The following BRD7 variants were observed in gnomAD, a reference collection of about 807,000 sequenced individuals.
BRD7 encodes bromodomain-containing protein 7.
A neutral mutation model predicts 82.1 loss-of-function variants in BRD7; 15 were observed. The ratio of observed to expected loss-of-function variants is 0.18; its 90% confidence interval spans 0.12 to 0.28. BRD7 has a LOEUF of 0.28. BRD7 is among the 10% of genes least tolerant of loss of function. BRD7 has a pLI of 1.00. For missense variants in BRD7, 638 were observed against 779.9 expected (o/e 0.82, Z 2.17); for synonymous variants, 232 against 266.9 (o/e 0.87, Z 1.27).
chr16:50,348,606 T>C (rs921619014), intron 5 of BRD7, among the ~76,000 whole-genome samples: 2 of 152,150 alleles, frequency 1.3e-5, no homozygotes, highest in Non-Finnish European at 2.9e-5. Context: ...GCAAAGGATA[T>C]GAACAGACAC....
chr16:50,321,951 A>G (rs1567597495), intron 13 of BRD7, 31 bp downstream of exon 13: 3 of 1,583,342 alleles, frequency 1.9e-6, no homozygotes, highest in Non-Finnish European at 2.6e-6. Context: ...TTCCATTTAA[A>G]TATTTCTTGT....
chr16:50,357,215 A>T (rs2151200327), intron 2 of BRD7, among the ~76,000 whole-genome samples: 1 of 152,234 alleles, frequency 6.6e-6, no homozygotes, highest in South Asian at 2.1e-4. Flanking sequence ...ACTTTCTAAC[A>T]AGTTTCCAGG....
At chr16:50,338,568 A>C (rs541810624) in intron 6 of BRD7, among the ~76,000 whole-genome samples, 49 of 152,324 alleles carry the variant, frequency 3.2e-4, no homozygotes, top group African/African-American at 1.2e-3. Context: ...TGTGAGCTCA[A>C]GCTCTGGACT....
At chr16:50,346,067 G>C (rs1195303050) in intron 5 of BRD7, among the ~76,000 whole-genome samples, 1 of 152,114 alleles carries the variant, frequency 6.6e-6, no homozygotes, top group South Asian at 2.1e-4. Flanking sequence ...ATAACAAACT[G>C]TCTCTCAGAC....
Position 50,340,103 on chromosome 16 carries a change from A to G in BRD7, c.592-17T>C. The G allele has an allele frequency of 7.0e-7, 1 of 1,431,484 alleles. No homozygotes were observed. The highest frequency in any genetic ancestry group is 9.5e-7 in the Non-Finnish European group (1 of 1,050,826). The allele number at this position is 1,431,484 out of a possible 1,614,324, so 88.7% of individuals were successfully genotyped here. A position where few individuals can be genotyped will look rare whatever the true frequency, so the allele number is the denominator to read the frequency against. On this transcript the variant is annotated splice_polypyrimidine_tract_variant and intron_variant, in intron 5 of 16. Coordinates refer to ENST00000394688, the MANE Select transcript of BRD7 (RefSeq NM_013263.5). ...GAAGTTATCCTGCAGAAAGAACATTAAGGGAGAAAATGCATTAATGCAAAA... is the reference window on the plus strand; with the variant it reads ...GAAGTTATCCTGCAGAAAGAACATTGAGGGAGAAAATGCATTAATGCAAAA...
intron 2 of BRD7, among the ~76,000 whole-genome samples, chr16:50,360,553 A>C (rs187651592): frequency 6.6e-6 from 1 of 152,296 alleles, no homozygotes; most frequent in East Asian, 1.9e-4. Flanking sequence ...CGGCAGAATG[A>C]CGCATACCTT....
At chr16:50,347,815 C>T (rs1440643175) in intron 5 of BRD7, among the ~76,000 whole-genome samples, 27 of 152,128 alleles carry the variant, frequency 1.8e-4, no homozygotes, top group African/African-American at 2.4e-5. Flanking sequence ...GAATCAATAT[C>T]GTGAAAATGG....
In BRD7 at chr16:50,320,256, A is replaced by T. The variant is rs757240104; in HGVS notation, c.1748T>A (p.Met583Lys). Residue 583 changes from methionine (M) to lysine (K), a missense_variant, in exon 15 of 17, where the codon ATG becomes AAG. This residue lies in a region of BRD7 where 402 missense variants were observed against 500.8 expected (regional missense o/e 0.80). Transcript: ENST00000394688. ...TGGGAGGCAAAACATACCAAGATGCATTTCTCTGTATGAGGGACCCAAGAG... is the reference window on the plus strand; with the variant it reads ...TGGGAGGCAAAACATACCAAGATGCTTTTCTCTGTATGAGGGACCCAAGAG... ...ICLLGPSYRE[M>K]HLAEQVTNNL... 6.2e-7 allele frequency: 1 copy of T among 1,611,404 alleles called. No homozygotes were observed. The highest frequency in any genetic ancestry group is 8.5e-7 in the Non-Finnish European group (1 of 1,179,186).
chr16:50,341,932 A>T (rs1381065627), intron 5 of BRD7, among the ~76,000 whole-genome samples: 55 of 106,088 alleles, frequency 5.2e-4, no homozygotes, highest in African/African-American at 6.7e-4. Context: ...CACTTTTCAC[A>T]CACACACACA....
rs530928848 is a variant in BRD7, at chr16:50,367,432, C to T, written c.258+658G>A. On this transcript the variant is annotated intron_variant, in intron 2 of 16. Coordinates refer to ENST00000394688, the MANE Select transcript of BRD7 (RefSeq NM_013263.5). ...AGAGGCAGGGCCTTGCTATGTTGCC[C>T]AGGCTGGTCTCGAACTTCCAGCCTC... is the stretch of plus-strand genomic sequence containing the variant. Among the ~76,000 whole-genome samples, 7 of 152,260 alleles carry T rather than the reference C, an allele frequency of 4.6e-5. No homozygotes were observed. The South Asian group carries it at 1.5e-3, about 32-fold the overall frequency.
At chr16:50,363,040 G>A (rs974736826) in intron 2 of BRD7, among the ~76,000 whole-genome samples, 2 of 150,302 alleles carry the variant, frequency 1.3e-5, no homozygotes, top group Non-Finnish European at 3.0e-5. Context: ...TGTACTATAT[G>A]CCTGATAAGT....
At position 50,318,089 on chromosome 16, in the gene BRD7, G is replaced by A. The variant is rs2036897483; in HGVS notation, c.*1122C>T. 1 of 152,232 alleles carries A rather than the reference G, an allele frequency of 6.6e-6. No individual in the cohort carries two copies. The highest frequency in any genetic ancestry group is 2.1e-4 in the South Asian group (1 of 4,832). The allele number at this position is 152,232 out of a possible 1,614,324, so 9.4% of individuals were successfully genotyped here. On this transcript the variant is annotated 3_prime_UTR_variant, in exon 17 of 17. Transcript: ENST00000394688. ...TGTTTCATTTTTATAAAGTACCAGT[G>A]TTTAGCTGCTTTTTATACATTAAAT...
At chr16:50,340,225 A>G in intron 5 of BRD7, 139 bp from the exon 6 acceptor site, 2 of 455,770 alleles carry the variant, frequency 4.4e-6, no homozygotes, top group Non-Finnish European at 7.8e-6. Flanking sequence ...TACTAACAGT[A>G]ATTTATTAAG....
Position 50,317,501 on chromosome 16 carries a change from G to GTT in BRD7, c.*1708_*1709dup, listed in dbSNP as rs1167693647. The GTT allele has an allele frequency of 1.3e-5, 2 of 152,266 alleles. No homozygotes were observed. Among genetic ancestry groups the GTT allele is most frequent in the African/African-American group, 4.8e-5 (2 of 41,432 alleles). 9.4% of individuals were successfully genotyped at this position (152,266 alleles called of 1,614,324 possible). On this transcript the variant is annotated 3_prime_UTR_variant, in exon 17 of 17. Coordinates refer to ENST00000394688, the MANE Select transcript of BRD7 (RefSeq NM_013263.5). ...GCATATTTGTACTCTTGGAATATTT[G>GTT]TTTTTTTCTTCAGTAACAACAGAAA... is the stretch of plus-strand genomic sequence containing the variant.
At chr16:50,350,383 A>C (rs1246836894) in intron 4 of BRD7, among the ~76,000 whole-genome samples, 1 of 152,154 alleles carries the variant, frequency 6.6e-6, no homozygotes, top group Non-Finnish European at 1.5e-5. Context: ...CAGGATGGAG[A>C]TTTCTTTCTT....
chr16:50,337,672 C>T (rs908202878), intron 6 of BRD7, among the ~76,000 whole-genome samples: 1 of 152,100 alleles, frequency 6.6e-6, no homozygotes, highest in Admixed American at 6.6e-5. Flanking sequence ...CATTCAAAAA[C>T]AGTTATCTTT....
chr16:50,347,425 G>C (rs2151182872), intron 5 of BRD7, among the ~76,000 whole-genome samples: 1 of 152,284 alleles, frequency 6.6e-6, no homozygotes. Flanking sequence ...TCAGGCAGGA[G>C]AAAGAAATAA....
intron 3 of BRD7, 97 bp downstream of exon 3, chr16:50,354,696 C>T: frequency 6.8e-7 from 1 of 1,466,480 alleles, no homozygotes; most frequent in South Asian, 1.4e-5. Context: ...AATTCAATCA[C>T]AAAGCTCCAA....
At chr16:50,360,794 G>A (rs565429265) in intron 2 of BRD7, among the ~76,000 whole-genome samples, 2 of 152,302 alleles carry the variant, frequency 1.3e-5, no homozygotes, top group East Asian at 3.9e-4. Flanking sequence ...TCTATCAGAG[G>A]AGCAATGCTA....
Sources: gnomAD v4.1 joint callset for allele counts (sites outside exome capture counted in the v4.1 genomes callset) on GRCh38, gnomAD v4.1.1 for gene constraint, gnomAD v4.1.1 regional missense constraint, MANE v1.5 for transcripts, NCBI Gene and HGNC (gene_info 2026-07-23, HGNC 2026-07-21) for gene names.